The following MGMT variants were observed in gnomAD, a reference collection of about 807,000 sequenced individuals.
The protein encoded by MGMT is methylated-DNA--protein-cysteine methyltransferase.
A neutral mutation model predicts 15.9 loss-of-function variants in MGMT; 14 were observed. That is an observed-to-expected ratio of 0.88 (90% confidence interval 0.58 to 1.37). The LOEUF (loss-of-function observed/expected upper bound fraction) is 1.37, where lower values mean the gene tolerates loss of function less well. MGMT is among the 40% of genes most tolerant of loss of function. MGMT has a pLI of 0.00. For missense variants in MGMT, 282 were observed against 268.1 expected, an observed-to-expected ratio of 1.05 and a Z score of -0.36; for synonymous variants, 130 against 118.2, an observed-to-expected ratio of 1.10 and a Z score of -0.65.
chr10:129,612,211 T>C lies in MGMT; in HGVS notation c.125+75834T>C, dbSNP rs752005157. Among the ~76,000 whole-genome samples the C allele has an allele frequency of 3.2e-4, 49 of 152,292 alleles. 1 individual carries two copies. Among genetic ancestry groups the C allele is most frequent in the Non-Finnish European group, 6.5e-4 (44 of 68,022 alleles). ...ATAGAAAGGAATGTCTGGGTTAAGA[T>C]AAAGGATTGTGGAGATGCAAGTTCT... On this transcript the variant is annotated intron_variant, in intron 2 of 4. Transcript: ENST00000651593.
chr10:129,727,204 A>T (rs529376954), intron 3 of MGMT, among the ~76,000 whole-genome samples: 1 of 152,302 alleles, frequency 6.6e-6, no homozygotes, highest in African/African-American at 2.4e-5. Flanking sequence ...ACAGCAGGAT[A>T]TGGAGGAAGT....
chr10:129,547,743 T>C (rs556314756), intron 2 of MGMT, among the ~76,000 whole-genome samples: 51 of 152,246 alleles, frequency 3.3e-4, no homozygotes, highest in Non-Finnish European at 3.8e-4. Flanking sequence ...CTGCATTCTC[T>C]TCGAGTAACA....
rs114748841 is a variant in MGMT, at chr10:129,591,031, C to T, written c.125+54654C>T. ...GGGAATAAGCGATGAGTTGGCCAAACGCAGTGTGTTTTCTGTAGGCAAGCA... is the reference window on the plus strand; with the variant it reads ...GGGAATAAGCGATGAGTTGGCCAAATGCAGTGTGTTTTCTGTAGGCAAGCA... On this transcript the variant is annotated intron_variant, in intron 2 of 4. Transcript: ENST00000651593. 9.7e-3 allele frequency among the ~76,000 whole-genome samples: 1,484 copies of T among 152,232 alleles called. 19 individuals are homozygous for T. Among genetic ancestry groups the T allele is most frequent in the African/African-American group, 0.033 (1,388 of 41,542 alleles).
chr10:129,741,559 C>T (rs996710514), intron 3 of MGMT, among the ~76,000 whole-genome samples: 8 of 152,142 alleles, frequency 5.3e-5, no homozygotes, highest in East Asian at 1.9e-4. Flanking sequence ...GATGTTTATA[C>T]GAGAGTCTCT....
chr10:129,762,153 G>C (rs1848881204), intron 4 of MGMT, among the ~76,000 whole-genome samples: 2 of 152,318 alleles, frequency 1.3e-5, no homozygotes, highest in East Asian at 1.9e-4. Flanking sequence ...CAGCCGGAAG[G>C]CTGCGCACAT....
rs150935585 is a variant in MGMT at position 129,483,203 on chromosome 10, C to A, written c.-13+15907C>A. Among the ~76,000 whole-genome samples the A allele has an allele frequency of 3.6e-3, 543 of 152,280 alleles. 6 individuals are homozygous for A. Among genetic ancestry groups the A allele is most frequent in the African/African-American group, 0.012 (512 of 41,552 alleles). On this transcript the variant is annotated intron_variant, in intron 1 of 4. Coordinates refer to ENST00000651593, the MANE Select transcript of MGMT (RefSeq NM_002412.5). ...CCTTAACAAAAGTATGCTTCAATTT[C>A]TCTCATCCCATTTTTTGTTATATTA...
intron 2 of MGMT, among the ~76,000 whole-genome samples, chr10:129,547,441 G>A (rs566997858): frequency 4.2e-4 from 64 of 152,252 alleles, no homozygotes; most frequent in Non-Finnish European, 7.6e-4. Context: ...AAGGCTTATG[G>A]ACTGTATGAC....
chr10:129,607,324 C>T (rs1846904003), intron 2 of MGMT, among the ~76,000 whole-genome samples: 2 of 151,576 alleles, frequency 1.3e-5, no homozygotes, highest in African/African-American at 4.8e-5. Context: ...TGTCGGATAA[C>T]ATTTTAACTT....
intron 1 of MGMT, among the ~76,000 whole-genome samples, chr10:129,503,524 T>C (rs926384241): frequency 6.6e-6 from 1 of 152,182 alleles, no homozygotes; most frequent in African/African-American, 2.4e-5. Flanking sequence ...GGGAGAGTGA[T>C]ATTATGGCTG....
At chr10:129,545,834 C>T (rs931129614) in intron 2 of MGMT, among the ~76,000 whole-genome samples, 7 of 152,216 alleles carry the variant, frequency 4.6e-5, no homozygotes, top group African/African-American at 1.7e-4. Context: ...GCTCTAAACT[C>T]TCACAATATA....
intron 3 of MGMT, among the ~76,000 whole-genome samples, chr10:129,715,821 A>G (rs538689441): frequency 6.6e-6 from 1 of 152,354 alleles, no homozygotes; most frequent in Admixed American, 6.5e-5. Flanking sequence ...CTTAATGTAA[A>G]TGCTTTCACA....
rs538857011 is a variant in MGMT, at chr10:129,708,980, T to C, written c.274+937T>C. 2.6e-5 allele frequency among the ~76,000 whole-genome samples: 4 copies of C among 152,322 alleles called. No individual in the cohort carries two copies. In the East Asian group the frequency reaches 7.7e-4, roughly 29 times the overall value. ...AAGCAGGTAAAGAAACCCCTGAAGG[T>C]TGGGCTAATACCTGAGTTCACTAAC... On this transcript the variant is annotated intron_variant, in intron 3 of 4. Coordinates refer to ENST00000651593, the MANE Select transcript of MGMT (RefSeq NM_002412.5).
chr10:129,488,627 G>A (rs530033754), intron 1 of MGMT, among the ~76,000 whole-genome samples: 13 of 152,072 alleles, frequency 8.5e-5, no homozygotes, highest in Admixed American at 2.6e-4. Context: ...TTTGTGTCTC[G>A]TTTCAAAGTG....
At chr10:129,555,092 G>GGATGAC (rs912667736) in intron 2 of MGMT, among the ~76,000 whole-genome samples, 1 of 152,216 alleles carries the variant, frequency 6.6e-6, no homozygotes, top group Non-Finnish European at 1.5e-5. Flanking sequence ...CCGTTGATGA[G>GGATGAC]GATGACGATG....
At position 129,766,919 on chromosome 10, in the gene MGMT, A is replaced by G; in HGVS notation, c.546A>G (p.Gly182=). ...EGHRLGKPGL[G]GSSGLAGAWL... ...ACCGGTTGGGGAAGCCAGGCTTGGG[A>G]GGGAGCTCAGGTCTGGCAGGGGCCT... Residue 182 remains glycine (G), a synonymous_variant, in exon 5 of 5, where the codon GGA becomes GGG. Coordinates refer to ENST00000651593, the MANE Select transcript of MGMT (RefSeq NM_002412.5). 1 of 1,613,424 alleles carries G rather than the reference A, an allele frequency of 6.2e-7. No individual in the cohort carries two copies. Among genetic ancestry groups the G allele is most frequent in the Non-Finnish European group, 8.5e-7 (1 of 1,180,014 alleles).
chr10:129,747,997 ATTG>A (rs1848713201), intron 3 of MGMT, among the ~76,000 whole-genome samples: 1 of 152,122 alleles, frequency 6.6e-6, no homozygotes. Context: ...GTCATTTATC[ATTG>A]TTGATGTCAA....
intron 1 of MGMT, among the ~76,000 whole-genome samples, chr10:129,487,566 G>A (rs753944907): frequency 2.9e-4 from 43 of 150,714 alleles, no homozygotes; most frequent in African/African-American, 6.6e-4. Flanking sequence ...GCTTCCCTCC[G>A]GAAGGGAATC....
At chr10:129,561,400 C>T (rs1011601526) in intron 2 of MGMT, among the ~76,000 whole-genome samples, 9 of 152,136 alleles carry the variant, frequency 5.9e-5, no homozygotes, top group African/African-American at 1.9e-4. Flanking sequence ...AGACCCCAGA[C>T]GAGGGGAGCA....
chr10:129,599,903 G>A (rs1054679847), intron 2 of MGMT, among the ~76,000 whole-genome samples: 2 of 152,194 alleles, frequency 1.3e-5, no homozygotes, highest in African/African-American at 4.8e-5. Context: ...TATTAACTGT[G>A]CATATCCCTG....
Sources: allele counts gnomAD v4.1 joint callset (sites outside exome capture counted in the v4.1 genomes callset), GRCh38; gene constraint gnomAD v4.1.1; transcripts MANE v1.5; gene names NCBI Gene and HGNC (gene_info 2026-07-23, HGNC 2026-07-21).